ERBB4: variants seen among roughly 807,000 people sequenced by gnomAD.
ERBB4 encodes erb-b2 receptor tyrosine kinase 4, also known as receptor tyrosine-protein kinase erbB-4.
A neutral mutation model predicts 158.0 loss-of-function variants in ERBB4; 42 were observed. The ratio of observed to expected loss-of-function variants is 0.27; its 90% CI spans 0.21 to 0.34. The LOEUF is 0.34. ERBB4 is among the 10% of genes least tolerant of loss of function. ERBB4 has a pLI of 1.00. For missense variants in ERBB4, 1,333 were observed against 1,624.1 expected (o/e 0.82, Z 3.08); for synonymous variants, 583 against 558.7 (o/e 1.04, Z -0.61).
At chr2:212,243,031 G>A (rs2084172448) in intron 1 of ERBB4, among the ~76,000 whole-genome samples, 1 of 152,144 alleles carries the variant, frequency 6.6e-6, no homozygotes, top group Non-Finnish European at 1.5e-5. Context: ...TCTTCCAGAT[G>A]GTGTACTGAG....
At chr2:212,048,452 G>C (rs1444955685) in intron 2 of ERBB4, among the ~76,000 whole-genome samples, 1 of 152,132 alleles carries the variant, frequency 6.6e-6, no homozygotes, top group Non-Finnish European at 1.5e-5. Flanking sequence ...AAATATATTT[G>C]GGTTATGCTT....
At chr2:212,135,260 T>TA (rs1481239644) in intron 1 of ERBB4, among the ~76,000 whole-genome samples, 1 of 152,174 alleles carries the variant, frequency 6.6e-6, no homozygotes, top group Non-Finnish European at 1.5e-5. Context: ...AATAACCTCA[T>TA]AACTGAAAAC....
intron 1 of ERBB4, among the ~76,000 whole-genome samples, chr2:212,410,566 T>C (rs1253412030): frequency 6.6e-6 from 1 of 152,088 alleles, no homozygotes; most frequent in Non-Finnish European, 1.5e-5. Context: ...ATGAAATGCA[T>C]GTGTGTTCTC....
rs2063305291 is a variant in ERBB4, at chr2:211,413,309, A to ACAC, written c.3135+7131_3135+7132insGTG. On this transcript the variant is annotated intron_variant, in intron 25 of 27. Coordinates refer to ENST00000342788, the MANE Select transcript of ERBB4 (RefSeq NM_005235.3). ...GGACAGAGAGAGACCCTGTCTTAAA[A>ACAC]ACACACACACACACACACACACACA... Among the ~76,000 whole-genome samples the ACAC allele has an allele frequency of 2.1e-5, 2 of 94,558 alleles. 1 individual carries two copies. The highest frequency in any genetic ancestry group is 4.7e-5 in the Non-Finnish European group (2 of 42,618). 62.0% of individuals were successfully genotyped at this position (94,558 alleles called of 152,430 possible).
At chr2:212,229,969 C>T (rs1004451152) in intron 1 of ERBB4, among the ~76,000 whole-genome samples, 3 of 152,014 alleles carry the variant, frequency 2.0e-5, no homozygotes, top group African/African-American at 7.2e-5. Flanking sequence ...TAGAAATGCA[C>T]AGAATGAACA....
intron 2 of ERBB4, among the ~76,000 whole-genome samples, chr2:212,079,532 C>A (rs2078372642): frequency 1.3e-5 from 2 of 151,906 alleles, no homozygotes; most frequent in African/African-American, 4.8e-5. Context: ...CTCCCATAAC[C>A]TTTTAATAAC....
intron 1 of ERBB4, among the ~76,000 whole-genome samples, chr2:212,392,238 G>A (rs1475794282): frequency 6.6e-6 from 1 of 151,804 alleles, no homozygotes; most frequent in African/African-American, 2.4e-5. Context: ...GAAATCTAAG[G>A]CATTTAAATT....
intron 2 of ERBB4, among the ~76,000 whole-genome samples, chr2:212,015,125 G>T (rs2076498543): frequency 7.6e-6 from 1 of 132,088 alleles, no homozygotes; most frequent in African/African-American, 2.9e-5. Flanking sequence ...AATTAGCCGG[G>T]CATGGTGGCG....
chr2:211,516,088 G>A (rs2066023583), intron 20 of ERBB4, among the ~76,000 whole-genome samples: 1 of 149,488 alleles, frequency 6.7e-6, no homozygotes, highest in Admixed American at 6.7e-5. Flanking sequence ...CTAATTTTTT[G>A]TATTTTTTTA....
At chr2:212,174,867 G>T (rs2081614057) in intron 1 of ERBB4, among the ~76,000 whole-genome samples, 1 of 151,914 alleles carries the variant, frequency 6.6e-6, no homozygotes, top group African/African-American at 2.4e-5. Flanking sequence ...AAAAATCATG[G>T]CATTGCATAC....
At chr2:211,639,053 T>C (rs2070469832) in intron 16 of ERBB4, among the ~76,000 whole-genome samples, 1 of 152,188 alleles carries the variant, frequency 6.6e-6, no homozygotes, top group African/African-American at 2.4e-5. Flanking sequence ...CAGGAAGAAC[T>C]TTCCTTTTAA....
chr2:212,430,831 G>A (rs1011335786), intron 1 of ERBB4, among the ~76,000 whole-genome samples: 1 of 151,982 alleles, frequency 6.6e-6, no homozygotes, highest in African/African-American at 2.4e-5. Flanking sequence ...GTGGGAGATG[G>A]GGGATGGGGG....
chr2:211,558,180 G>A (rs2067290148), intron 20 of ERBB4, among the ~76,000 whole-genome samples: 2 of 152,172 alleles, frequency 1.3e-5, no homozygotes, highest in Admixed American at 1.3e-4. Context: ...TCCATAATCA[G>A]TTTCACCAGG....
chr2:211,671,480 T>C (rs1226520411), intron 14 of ERBB4, among the ~76,000 whole-genome samples: 2 of 152,130 alleles, frequency 1.3e-5, no homozygotes, highest in East Asian at 3.9e-4. Context: ...AAGATATTTA[T>C]AGGAAATATC....
rs1235217558 is a variant in ERBB4, at chr2:211,722,475, G to A, written c.801C>T (p.Val267=). 1.9e-6 allele frequency: 3 copies of A among 1,613,784 alleles called. No homozygotes were observed. The highest frequency in any genetic ancestry group is 2.5e-6 in the Non-Finnish European group (3 of 1,179,806). The change falls in exon 7 of 28, where the codon GTC becomes GTT. Residue 267 remains valine (V), a synonymous_variant. Coordinates refer to ENST00000342788, the MANE Select transcript of ERBB4 (RefSeq NM_005235.3). ...ACVTQCPQTF[V]YNPTTFQLEH... ...CCAGTTGAAAGGTGGTTGGATTGTA[G>A]ACAAAGGTTTGGGGACACTGAGTAA...
At chr2:211,441,182 C>T (rs543010628) in intron 20 of ERBB4, among the ~76,000 whole-genome samples, 21 of 152,200 alleles carry the variant, frequency 1.4e-4, no homozygotes, top group East Asian at 3.9e-4. Flanking sequence ...CATTCTTCCT[C>T]GGAATTCCAG....
At chr2:212,480,620 G>A (rs1689646521) in intron 1 of ERBB4, among the ~76,000 whole-genome samples, 1 of 152,162 alleles carries the variant, frequency 6.6e-6, no homozygotes, top group Admixed American at 6.5e-5. Flanking sequence ...GAATTGTAGT[G>A]TGCTGTTGCT....
In ERBB4 at chr2:211,883,412, G is replaced by A. The variant is rs911275244; in HGVS notation, c.421+64018C>T. Reference sequence around the variant, plus strand: ...GTATACATATGTAACAAACCTGCACGTTGTGCACATGTACCCTAAAACTTA... The same window carrying A: ...GTATACATATGTAACAAACCTGCACATTGTGCACATGTACCCTAAAACTTA... On this transcript the variant is annotated intron_variant, in intron 3 of 27. Transcript: ENST00000342788. 1.2e-4 allele frequency among the ~76,000 whole-genome samples: 18 copies of A among 152,018 alleles called. No individual in the cohort carries two copies. In the East Asian group the frequency reaches 2.5e-3, roughly 21 times the overall value.
At chr2:211,581,126 G>T (rs11679860) in intron 19 of ERBB4, among the ~76,000 whole-genome samples, 109,512 of 149,840 alleles carry the variant, frequency 0.73, 42,516 homozygotes, top group East Asian at 0.89. Flanking sequence ...GGAAAGGGTG[G>T]GGAGGGGGTG....
Sources: allele counts gnomAD v4.1 joint callset (sites outside exome capture counted in the v4.1 genomes callset), GRCh38; gene constraint gnomAD v4.1.1; transcripts MANE v1.5; gene names NCBI Gene and HGNC (gene_info 2026-07-23, HGNC 2026-07-21).